Variants in CTNNA3 observed in about 807,000 individuals in gnomAD.
CTNNA3 encodes catenin alpha 3, also known as catenin alpha-3.
CTNNA3 carries 76 observed loss-of-function variants against 95.7 expected under a neutral mutation model. The observed-to-expected ratio is 0.79, with a 90% confidence interval of 0.66 to 0.96. The LOEUF (loss-of-function observed/expected upper bound fraction) is 0.96. Among genes scored for constraint, CTNNA3 ranks in the 40% least tolerant of loss-of-function variants. The probability of loss-of-function intolerance (pLI) is 0.00; values close to 1 mark genes in which losing one functional copy is unlikely to be tolerated. For synonymous variants in CTNNA3, 431 were observed against 374.4 expected (o/e 1.15, Z -1.74); for missense variants, 1,191 against 1,089.8 (o/e 1.09, Z -1.31).
intron 5 of CTNNA3, among the ~76,000 whole-genome samples, chr10:67,497,137 G>A (rs1270116271): frequency 1.3e-5 from 2 of 152,046 alleles, no homozygotes; most frequent in Non-Finnish European, 2.9e-5. Context: ...CTGTGCCCAT[G>A]TATTCTCATT....
At chr10:66,484,890 G>A (rs555500085) in intron 11 of CTNNA3, among the ~76,000 whole-genome samples, 2 of 152,178 alleles carry the variant, frequency 1.3e-5, no homozygotes, top group Admixed American at 6.5e-5. Flanking sequence ...CTATGATAAA[G>A]TGGGGTTTAT....
intron 2 of CTNNA3, among the ~76,000 whole-genome samples, chr10:67,611,616 G>A (rs1843461724): frequency 6.6e-6 from 1 of 152,038 alleles, no homozygotes; most frequent in African/African-American, 2.4e-5. Flanking sequence ...GCGCCTGGCC[G>A]TGAAATGTCT....
At chr10:67,238,182 A>T (rs756283735) in intron 5 of CTNNA3, among the ~76,000 whole-genome samples, 1 of 152,190 alleles carries the variant, frequency 6.6e-6, no homozygotes, top group Non-Finnish European at 1.5e-5. Context: ...AAAATACAAT[A>T]CACATGAATC....
At chr10:66,943,106 G>T (rs1260964786) in intron 7 of CTNNA3, among the ~76,000 whole-genome samples, 1 of 152,078 alleles carries the variant, frequency 6.6e-6, no homozygotes, top group Non-Finnish European at 1.5e-5. Flanking sequence ...ACAAAGCATT[G>T]GATTTTCTCA....
At chr10:66,844,044 C>T (rs903971137) in intron 7 of CTNNA3, among the ~76,000 whole-genome samples, 5 of 152,122 alleles carry the variant, frequency 3.3e-5, no homozygotes, top group East Asian at 3.9e-4. Context: ...TGCCTCTTGT[C>T]GGAAAATACC....
chr10:66,112,926 T>C (rs1043310076), intron 13 of CTNNA3, among the ~76,000 whole-genome samples: 1 of 152,178 alleles, frequency 6.6e-6, no homozygotes. Flanking sequence ...AATGCCGAAA[T>C]AAACATGGGA....
chr10:67,378,317 T>C (rs1843773042), intron 5 of CTNNA3, among the ~76,000 whole-genome samples: 1 of 152,186 alleles, frequency 6.6e-6, no homozygotes, highest in Non-Finnish European at 1.5e-5. Flanking sequence ...AGAGTTTCTG[T>C]ATATCTATTG....
intron 17 of CTNNA3, among the ~76,000 whole-genome samples, chr10:65,954,888 T>C (rs2077697199): frequency 6.6e-6 from 1 of 152,216 alleles, no homozygotes; most frequent in African/African-American, 2.4e-5. Context: ...TGATTCCATA[T>C]GAGCTTTAAA....
chr10:66,573,245 C>A (rs1174402301), intron 10 of CTNNA3, among the ~76,000 whole-genome samples: 1 of 152,072 alleles, frequency 6.6e-6, no homozygotes, highest in Admixed American at 6.5e-5. Context: ...TTAGGCCTAG[C>A]CGAATATATC....
intron 7 of CTNNA3, among the ~76,000 whole-genome samples, chr10:67,104,678 G>A (rs184186537): frequency 2.6e-5 from 4 of 151,852 alleles, no homozygotes; most frequent in African/African-American, 7.2e-5. Context: ...TAATCCCATT[G>A]GTTTAATTAC....
chr10:67,030,512 AAATT>A (rs1446874405), intron 7 of CTNNA3, among the ~76,000 whole-genome samples: 2 of 152,048 alleles, frequency 1.3e-5, no homozygotes, highest in Non-Finnish European at 2.9e-5. Context: ...ATAAATACAT[AAATT>A]AATACTGAAG....
chr10:67,742,684 A>AC (rs1219339167), intron 1 of CTNNA3, among the ~76,000 whole-genome samples: 1 of 151,162 alleles, frequency 6.6e-6, no homozygotes, highest in African/African-American at 2.4e-5. Flanking sequence ...AGACACAAAA[A>AC]ACCCTTCAAA....
At chr10:66,911,044 G>A (rs1293633561) in intron 7 of CTNNA3, among the ~76,000 whole-genome samples, 1 of 152,306 alleles carries the variant, frequency 6.6e-6, no homozygotes, top group South Asian at 2.1e-4. Context: ...CTTGTTACTT[G>A]AAGGGGAATA....
chr10:67,007,281 A>C (rs1457359707), intron 7 of CTNNA3, among the ~76,000 whole-genome samples: 1 of 152,194 alleles, frequency 6.6e-6, no homozygotes, highest in Non-Finnish European at 1.5e-5. Flanking sequence ...CAAGGAATTA[A>C]CAAATTGGCT....
intron 9 of CTNNA3, among the ~76,000 whole-genome samples, chr10:66,743,033 G>C (rs752078687): frequency 2.6e-5 from 4 of 152,020 alleles, no homozygotes; most frequent in Non-Finnish European, 5.9e-5. Context: ...GGAGTAAAGT[G>C]GTATACATTT....
chr10:66,947,407 A>G (rs527601647), intron 7 of CTNNA3, among the ~76,000 whole-genome samples: 1 of 152,142 alleles, frequency 6.6e-6, no homozygotes, highest in South Asian at 2.1e-4. Flanking sequence ...ATCACAAGGT[A>G]TTTTCTTTAT....
intron 7 of CTNNA3, among the ~76,000 whole-genome samples, chr10:67,130,515 C>A (rs550799784): frequency 1.3e-5 from 2 of 151,986 alleles, no homozygotes; most frequent in Non-Finnish European, 2.9e-5. Context: ...GATCATAATT[C>A]CCAAAATTTA....
At chr10:67,304,462 T>G (rs1042321948) in intron 5 of CTNNA3, among the ~76,000 whole-genome samples, 1 of 152,210 alleles carries the variant, frequency 6.6e-6, no homozygotes, top group Admixed American at 6.5e-5. Flanking sequence ...TAAACTGAGC[T>G]TTGTTAGAAA....
chr10:66,464,642 A>T (rs116845371), intron 11 of CTNNA3, among the ~76,000 whole-genome samples: 2,361 of 152,134 alleles, frequency 0.016, 41 homozygotes, highest in East Asian at 0.08. Flanking sequence ...GCGTGCCTGT[A>T]ATTCCAGCTA....
Sources: gnomAD v4.1 joint callset for allele counts (sites outside exome capture counted in the v4.1 genomes callset) on GRCh38, gnomAD v4.1.1 for gene constraint, MANE v1.5 for transcripts, NCBI Gene and HGNC (gene_info 2026-07-23, HGNC 2026-07-21) for gene names.